TMEM164: variants seen among roughly 807,000 people sequenced by gnomAD.
TMEM164 encodes transmembrane protein 164.
TMEM164 carries 4 observed loss-of-function variants against 18.8 expected under a neutral mutation model. The ratio of observed to expected loss-of-function variants is 0.21; its 90% CI spans 0.10 to 0.49. The LOEUF is 0.49. TMEM164 is among the 20% of genes least tolerant of loss of function. The pLI is 0.98. For synonymous variants in TMEM164, 86 were observed against 101.7 expected, an observed-to-expected ratio of 0.85 and a Z score of 0.93; for missense variants, 108 against 239.9, an observed-to-expected ratio of 0.45 and a Z score of 3.63.
chrX:110,061,861 G>A lies in TMEM164; in HGVS notation c.391-5486G>A, dbSNP rs1032700342. On this transcript the variant is annotated intron_variant, in intron 2 of 6. Coordinates refer to ENST00000372068, the MANE Select transcript of TMEM164 (RefSeq NM_032227.4). ...AAATAGTTTAATTTTGCATTTGAAG[G>A]GTAGATAAGAGCCACAAGAGGAAAG... Among the ~76,000 whole-genome samples, 3 of 111,537 alleles carry A rather than the reference G, an allele frequency of 2.7e-5. No individual in the cohort carries two copies. The Admixed American group carries it at 2.9e-4, about 11-fold the overall frequency.
At chrX:110,056,074 G>A (rs901986886) in intron 2 of TMEM164, among the ~76,000 whole-genome samples, 3 of 111,563 alleles carry the variant, frequency 2.7e-5, no homozygotes, top group Middle Eastern at 4.6e-3. Context: ...ACAATTGAAT[G>A]TTTTTAGTAT....
intron 4 of TMEM164, among the ~76,000 whole-genome samples, chrX:110,119,802 T>A (rs757635814): frequency 2.7e-5 from 3 of 112,140 alleles, no homozygotes; most frequent in Non-Finnish European, 3.8e-5. Flanking sequence ...CTACTATTAC[T>A]ACTATTATCC....
intron 2 of TMEM164, chrX:110,046,248 A>T: frequency 1.3e-6 from 1 of 754,538 alleles, no homozygotes; most frequent in Non-Finnish European, 1.6e-6. Flanking sequence ...AGAGGCAGGG[A>T]TCCTGACTGT....
At chrX:110,040,617 T>G (rs192087793) in intron 2 of TMEM164, among the ~76,000 whole-genome samples, 2 of 112,086 alleles carry the variant, frequency 1.8e-5, no homozygotes, top group East Asian at 5.6e-4. Context: ...AATCTTTTTT[T>G]TCCCCTCTGT....
intron 3 of TMEM164, among the ~76,000 whole-genome samples, chrX:110,089,988 T>C (rs1046466232): frequency 1.8e-5 from 2 of 112,263 alleles, no homozygotes; most frequent in Non-Finnish European, 3.8e-5. Flanking sequence ...AGAATTTGGG[T>C]CTCAAGGAAA....
chrX:110,010,766 G>C (rs138761016), intron 2 of TMEM164, among the ~76,000 whole-genome samples: 1,403 of 111,906 alleles, frequency 0.013, 26 homozygotes, highest in African/African-American at 0.043. Flanking sequence ...GTGTGATTCA[G>C]ATTAGAGGAT....
At chrX:110,107,755 G>A (rs753092820) in intron 3 of TMEM164, among the ~76,000 whole-genome samples, 137 of 106,770 alleles carry the variant, frequency 1.3e-3, no homozygotes, top group Non-Finnish European at 2.2e-3. Flanking sequence ...CGCCTCCTGA[G>A]TTCAAGCGAT....
At chrX:110,049,802 G>T (rs1935471197) in intron 2 of TMEM164, among the ~76,000 whole-genome samples, 1 of 111,715 alleles carries the variant, frequency 9.0e-6, no homozygotes, top group Non-Finnish European at 1.9e-5. Flanking sequence ...GATTTTTGTG[G>T]TAGGTACATG....
intron 2 of TMEM164, among the ~76,000 whole-genome samples, chrX:110,060,266 GA>G (rs140796343): frequency 0.023 from 1,192 of 51,444 alleles, 12 homozygotes; most frequent in Non-Finnish European, 0.03. Context: ...GACCCTGTCT[GA>G]AAAAAAAAAA....
chrX:110,023,500 G>C (rs1270374360), intron 2 of TMEM164, among the ~76,000 whole-genome samples: 1 of 110,835 alleles, frequency 9.0e-6, no homozygotes, highest in Non-Finnish European at 1.9e-5. Context: ...CAAGTTTGGG[G>C]CTTTCTCAGA....
intron 3 of TMEM164, among the ~76,000 whole-genome samples, chrX:110,100,173 TTTTTG>T (rs1268053913): frequency 9.0e-6 from 1 of 111,466 alleles, no homozygotes; most frequent in Admixed American, 9.6e-5. Context: ...ATCTCTATTA[TTTTTG>T]TTGCCTGATT....
intron 5 of TMEM164, among the ~76,000 whole-genome samples, chrX:110,146,630 A>G (rs992062416): frequency 2.7e-5 from 3 of 111,777 alleles, no homozygotes; most frequent in African/African-American, 9.8e-5. Context: ...CAGGACCTCA[A>G]TGAGAGCATC....
chrX:110,117,853 T>C (rs1267326269), intron 4 of TMEM164, among the ~76,000 whole-genome samples: 7 of 112,199 alleles, frequency 6.2e-5, no homozygotes, highest in Admixed American at 1.9e-4. Flanking sequence ...ATTTCTAGGA[T>C]TGTTGGTTTA....
Position 110,061,057 on chromosome X carries a change from A to G in TMEM164, c.391-6290A>G, listed in dbSNP as rs143646796. ...AGCTGGACAAGGGAAGTTGAGTAATATGTCAGAATGTTGTTATTGCAAACA... is the reference window on the plus strand; with the variant it reads ...AGCTGGACAAGGGAAGTTGAGTAATGTGTCAGAATGTTGTTATTGCAAACA... On this transcript the variant is annotated intron_variant, in intron 2 of 6. Transcript: ENST00000372068. 8.0e-5 allele frequency among the ~76,000 whole-genome samples: 9 copies of G among 112,431 alleles called. No individual in the cohort carries two copies. In the East Asian group the frequency reaches 2.5e-3, roughly 31 times the overall value.
downstream of TMEM164, among the ~76,000 whole-genome samples, chrX:110,181,559 C>T (rs1461821072): frequency 1.8e-5 from 2 of 113,003 alleles, no homozygotes; most frequent in Non-Finnish European, 3.7e-5. Context: ...TTTACAACCT[C>T]AGTAGTTATG....
chrX:110,072,760 C>T lies in TMEM164; in HGVS notation c.440+5364C>T, dbSNP rs951564339. 1.1e-3 allele frequency among the ~76,000 whole-genome samples: 123 copies of T among 108,876 alleles called. 4 individuals are homozygous for T. The highest frequency in any genetic ancestry group is 2.7e-4 in the Non-Finnish European group (14 of 52,505). The allele number at this position is 108,876 out of a possible 115,157, so 94.5% of individuals were successfully genotyped here. A position where few individuals can be genotyped will look rare whatever the true frequency, so the allele number is the denominator to read the frequency against. On this transcript the variant is annotated intron_variant, in intron 3 of 6. Transcript: ENST00000372068. Reference sequence around the variant, plus strand: ...TTTCAGCTTTTATCTTCATTAATTCCCTCTTCTGTTTTTTTCTTAATCTCT... The same window carrying T: ...TTTCAGCTTTTATCTTCATTAATTCTCTCTTCTGTTTTTTTCTTAATCTCT...
At chrX:110,096,306 A>G (rs1013464337) in intron 3 of TMEM164, among the ~76,000 whole-genome samples, 1 of 112,911 alleles carries the variant, frequency 8.9e-6, no homozygotes, top group African/African-American at 3.2e-5. Context: ...AGAGGCAGGC[A>G]GGCCTCCTTC....
chrX:110,144,501 G>A (rs1463658226), intron 4 of TMEM164, among the ~76,000 whole-genome samples: 1 of 111,432 alleles, frequency 9.0e-6, no homozygotes, highest in Non-Finnish European at 1.9e-5. Context: ...ATACACATGG[G>A]AAACCACCAA....
At chrX:110,078,338 A>G (rs970788433) in intron 3 of TMEM164, among the ~76,000 whole-genome samples, 1 of 110,973 alleles carries the variant, frequency 9.0e-6, no homozygotes, top group African/African-American at 3.3e-5. Flanking sequence ...TAAAATGTCT[A>G]TGTTGTCTTT....
Sources: gnomAD v4.1 joint callset for allele counts (sites outside exome capture counted in the v4.1 genomes callset) on GRCh38, gnomAD v4.1.1 for gene constraint, MANE v1.5 for transcripts, NCBI Gene and HGNC (gene_info 2026-07-23, HGNC 2026-07-21) for gene names.